The following CSPP1 variants were observed in gnomAD, a reference collection of about 807,000 sequenced individuals.
The protein encoded by CSPP1 is centrosome and spindle pole-associated protein 1.
Under a neutral mutation model 164.4 loss-of-function variants are expected in CSPP1, and 126 were observed. The ratio of observed to expected loss-of-function variants is 0.77; its 90% CI spans 0.66 to 0.89. The LOEUF (loss-of-function observed/expected upper bound fraction) is 0.89, where lower values mean the gene tolerates loss of function less well. CSPP1 is among the 40% of genes least tolerant of loss of function. The pLI is 0.00. For missense variants in CSPP1, 1,395 were observed against 1,449.8 expected (o/e 0.96, Z 0.61); for synonymous variants, 472 against 476.7 (o/e 0.99, Z 0.13).
chr8:67,091,549 C>T lies in CSPP1; in HGVS notation c.304-254C>T, dbSNP rs74473769. Reference sequence around the variant, plus strand: ...CTTCTAATCATCTTGAATCAATAGACGTATATATTGCACATGAAAATTAAG... The same window carrying T: ...CTTCTAATCATCTTGAATCAATAGATGTATATATTGCACATGAAAATTAAG... On this transcript the variant is annotated intron_variant, in intron 4 of 30. Coordinates refer to ENST00000678616, the MANE Select transcript of CSPP1 (RefSeq NM_001382391.1). Among the ~76,000 whole-genome samples the T allele has an allele frequency of 3.9e-4, 59 of 152,112 alleles. No individual in the cohort carries two copies. The East Asian group carries it at 0.01, about 26-fold the overall frequency.
intron 13 of CSPP1, among the ~76,000 whole-genome samples, chr8:67,117,431 A>G (rs143772546): frequency 4.3e-4 from 65 of 152,300 alleles, no homozygotes; most frequent in African/African-American, 1.4e-3. Flanking sequence ...ATCTCTTTCT[A>G]TTCATTTAAA....
intron 24 of CSPP1, among the ~76,000 whole-genome samples, chr8:67,165,708 C>T (rs1829186248): frequency 6.6e-6 from 1 of 152,206 alleles, no homozygotes; most frequent in Non-Finnish European, 1.5e-5. Context: ...GTTCTGACAT[C>T]ACATCATCAC....
Position 67,118,937 on chromosome 8 carries a change from TTTTCATA to T in CSPP1, c.1697+117_1697+123del, listed in dbSNP as rs1255695880. On this transcript the variant is annotated intron_variant, in intron 15 of 30. Coordinates refer to ENST00000678616, the MANE Select transcript of CSPP1 (RefSeq NM_001382391.1). The stretch of plus-strand genomic sequence containing the variant: ...GTATACTATTTAGTGGTATTTAATA[TTTTCATA>T]ATGTGCAACCATCACCACAATCCAT... The T allele has an allele frequency of 8.0e-5, 55 of 691,546 alleles. No individual in the cohort carries two copies. In the African/African-American group the frequency reaches 8.9e-4, roughly 11 times the overall value. 42.8% of individuals were successfully genotyped at this position (691,546 alleles called of 1,614,324 possible).
chr8:67,174,154 C>G (rs1255851024), intron 25 of CSPP1: 4 of 151,962 alleles, frequency 2.6e-5, no homozygotes, highest in Non-Finnish European at 4.4e-5. Context: ...ACATCTTGCC[C>G]TCATTCACCC....
At chr8:67,072,886 A>G (rs566844741) in intron 1 of CSPP1, among the ~76,000 whole-genome samples, 8 of 151,758 alleles carry the variant, frequency 5.3e-5, no homozygotes, top group South Asian at 2.1e-4. Context: ...AAAAAAAAAA[A>G]AAAAGAAAGA....
intron 4 of CSPP1, among the ~76,000 whole-genome samples, chr8:67,087,865 C>A (rs965399455): frequency 6.6e-6 from 1 of 152,170 alleles, no homozygotes; most frequent in Non-Finnish European, 1.5e-5. Flanking sequence ...CATGTAGAGA[C>A]TCTCATTGTG....
intron 13 of CSPP1, among the ~76,000 whole-genome samples, chr8:67,116,497 AG>A: frequency 6.6e-6 from 1 of 152,170 alleles, no homozygotes. Flanking sequence ...GTGCAGAAAA[AG>A]TTTCTAATGT....
At chr8:67,191,856 T>C (rs1836346996) in intron 29 of CSPP1, among the ~76,000 whole-genome samples, 2 of 152,232 alleles carry the variant, frequency 1.3e-5, no homozygotes, top group Non-Finnish European at 2.9e-5. Flanking sequence ...TGTACCATTT[T>C]ACCTTCCCAT....
Position 67,193,564 on chromosome 8 carries a change from G to C in CSPP1, c.3431G>C (p.Arg1144Pro), listed in dbSNP as rs763390190. 1.9e-6 allele frequency: 3 copies of C among 1,613,748 alleles called. No individual in the cohort carries two copies. Among genetic ancestry groups the C allele is most frequent in the Non-Finnish European group, 8.5e-7 (1 of 1,179,690 alleles). ...AGAGTGAGAAATGAGGAACGAATGC[G>C]AAGACTGAATGAATTTCACAATAAA... ...ELRVRNEERM[R>P]RLNEFHNKPI... Residue 1144 changes from arginine (R) to proline (P), a missense_variant, in exon 30 of 31, where the codon CGA becomes CCA. Transcript: ENST00000678616.
chr8:67,089,739 A>ATGAT (rs1196857974), intron 4 of CSPP1, among the ~76,000 whole-genome samples: 2 of 152,256 alleles, frequency 1.3e-5, no homozygotes, highest in South Asian at 4.1e-4. Context: ...GAATGAATGA[A>ATGAT]TGATTAAAAT....
chr8:67,186,994 TATCTATCTATCTATCTATCTA>T (rs1380010321), intron 28 of CSPP1, among the ~76,000 whole-genome samples: 1 of 151,666 alleles, frequency 6.6e-6, no homozygotes, highest in East Asian at 1.9e-4. Flanking sequence ...TCTATCTATC[TATCTATCTATCTATCTATCTA>T]ATCTATCTAT....
intron 15 of CSPP1, among the ~76,000 whole-genome samples, chr8:67,125,550 G>A (rs898091316): frequency 7.2e-5 from 11 of 152,020 alleles, no homozygotes; most frequent in African/African-American, 2.7e-4. Context: ...CTTTCTCTGT[G>A]TCTTCTCTTC....
At position 67,118,272 on chromosome 8, in the gene CSPP1, C is replaced by T. The variant is rs199923715; in HGVS notation, c.1521C>T (p.Pro507=). 1,081 of 1,613,664 alleles carry T rather than the reference C, an allele frequency of 6.7e-4. 14 individuals carry two copies. The South Asian group carries it at 0.011, about 17-fold the overall frequency. The change falls in exon 14 of 31, where the codon CCC becomes CCT. Residue 507 remains proline (P), a synonymous_variant. Transcript: ENST00000678616. ...GGATTGCACCTCTGCCTCCACCTCC[C>T]CTACTACCACCTTTGGCTACTAACT... ...SPRIAPLPPP[P]LLPPLATNYR...
chr8:67,148,683 G>A (rs983081791), intron 17 of CSPP1, among the ~76,000 whole-genome samples: 2 of 152,174 alleles, frequency 1.3e-5, no homozygotes, highest in Admixed American at 6.5e-5. Context: ...CAGGCTTCCT[G>A]ATAAATACTT....
At chr8:67,163,664 A>G in intron 22 of CSPP1, 68 bp from the exon 23 acceptor site, 1 of 1,169,242 alleles carries the variant, frequency 8.6e-7, no homozygotes, top group Non-Finnish European at 1.2e-6. Context: ...ACTTCAAAAA[A>G]TTACTCCCTT....
chr8:67,165,214 G>A (rs893035830), intron 24 of CSPP1, among the ~76,000 whole-genome samples: 7 of 151,732 alleles, frequency 4.6e-5, no homozygotes, highest in Non-Finnish European at 8.8e-5. Flanking sequence ...AACCCAGGAG[G>A]CGGAGGTTGC....
intron 24 of CSPP1, among the ~76,000 whole-genome samples, chr8:67,168,191 G>A (rs1301231761): frequency 6.6e-6 from 1 of 152,072 alleles, no homozygotes; most frequent in Admixed American, 6.5e-5. Context: ...CAGGCACTTG[G>A]CAGGCTGAGG....
In CSPP1 at chr8:67,154,079, T is replaced by A; in HGVS notation, c.2184T>A (p.Pro728=). 6.2e-7 allele frequency: 1 copy of A among 1,606,680 alleles called. No homozygotes were observed. The highest frequency in any genetic ancestry group is 8.5e-7 in the Non-Finnish European group (1 of 1,173,858). ...PFARGNVFGE[P]PTELQIKQQE... ...CTCGGGGAAATGTATTTGGTGAGCCTCCAACTGAACTTCAGATTAAACAGC... is the reference window on the plus strand; with the variant it reads ...CTCGGGGAAATGTATTTGGTGAGCCACCAACTGAACTTCAGATTAAACAGC... Residue 728 remains proline (P), a synonymous_variant, in exon 19 of 31, where the codon CCT becomes CCA. Transcript: ENST00000678616.
At chr8:67,090,136 T>C (rs991425681) in intron 4 of CSPP1, among the ~76,000 whole-genome samples, 31 of 152,152 alleles carry the variant, frequency 2.0e-4, no homozygotes, top group African/African-American at 7.0e-4. Flanking sequence ...AGGTTTATAG[T>C]GTACTTCAGT....
Sources: gnomAD v4.1 joint callset for allele counts (sites outside exome capture counted in the v4.1 genomes callset) on GRCh38, gnomAD v4.1.1 for gene constraint, MANE v1.5 for transcripts, NCBI Gene and HGNC (gene_info 2026-07-23, HGNC 2026-07-21) for gene names.